The following NIN variants were observed in gnomAD, a reference collection of about 807,000 sequenced individuals.
The protein encoded by NIN is glycogen synthase kinase 3 beta-interacting protein.
Under a neutral mutation model 257.6 loss-of-function variants are expected in NIN, and 137 were observed. The observed-to-expected ratio is 0.53, with a 90% CI of 0.46 to 0.61. NIN has a LOEUF of 0.61. NIN is among the 20% of genes least tolerant of loss of function. NIN has a pLI of 0.00. For synonymous variants in NIN, 918 were observed against 919.8 expected (o/e 1.00, Z 0.04); for missense variants, 2,439 against 2,501.2 (o/e 0.98, Z 0.53).
In NIN at chr14:50,744,349, T is replaced by C; in HGVS notation, c.5081A>G (p.Asp1694Gly). ...EKMKQLHRCP[D>G]LSDFQQKISS... ...GATTTTTTGCTGGAAGTCAGAGAGA[T>C]CGGGACATCTGTGCAGCTGTAAGAG... Residue 1694 changes from aspartate (D) to glycine (G), a missense_variant, in exon 23 of 31, where the codon GAT becomes GGT. Coordinates refer to ENST00000530997, the MANE Select transcript of NIN (RefSeq NM_020921.4). 1 of 1,614,026 alleles carries C rather than the reference T, an allele frequency of 6.2e-7. No individual in the cohort carries two copies. The highest frequency in any genetic ancestry group is 1.3e-5 in the African/African-American group (1 of 75,044).
chr14:50,800,683 G>A (rs887098398), intron 4 of NIN, among the ~76,000 whole-genome samples: 2 of 152,112 alleles, frequency 1.3e-5, no homozygotes, highest in Non-Finnish European at 2.9e-5. Context: ...CAGTGGGGAT[G>A]AGTGTTTCCA....
At position 50,758,326 on chromosome 14, in the gene NIN, T is replaced by C. The variant is rs776608678; in HGVS notation, c.2704A>G (p.Lys902Glu). Reference sequence around the variant, plus strand: ...ACGACCATGCTGTTCAAATGTTCTTTGTATGTTTTCTCCAGCATCTCTCTC... The same window carrying C: ...ACGACCATGCTGTTCAAATGTTCTTCGTATGTTTTCTCCAGCATCTCTCTC... ...QEREMLEKTY[K>E]EHLNSMVVER... The change falls in exon 18 of 31, where the codon AAA becomes GAA. Residue 902 changes from lysine (K) to glutamate (E), a missense_variant. Transcript: ENST00000530997. 33 of 1,614,136 alleles carry C rather than the reference T, an allele frequency of 2.0e-5. No homozygotes were observed. The East Asian group carries it at 3.8e-4, about 19-fold the overall frequency.
At chr14:50,788,369 T>G (rs2043435240) in intron 5 of NIN, among the ~76,000 whole-genome samples, 1 of 152,194 alleles carries the variant, frequency 6.6e-6, no homozygotes, top group Non-Finnish European at 1.5e-5. Flanking sequence ...AATATAAATT[T>G]AGTTGCTTCA....
intron 30 of NIN, among the ~76,000 whole-genome samples, chr14:50,724,598 A>G (rs549246304): frequency 6.6e-6 from 1 of 152,182 alleles, no homozygotes; most frequent in South Asian, 2.1e-4. Flanking sequence ...CATTGCCGAC[A>G]GAATAAAAAT....
rs2040276494 is a variant in NIN at position 50,721,856 on chromosome 14, A to G, written c.*1607T>C. The G allele has an allele frequency of 9.0e-6, 2 of 222,894 alleles. No homozygotes were observed. Among genetic ancestry groups the G allele is most frequent in the Non-Finnish European group, 9.0e-6 (1 of 111,530 alleles). The allele number at this position is 222,894 out of a possible 1,614,324, so 13.8% of individuals were successfully genotyped here. A position where few individuals can be genotyped will look rare whatever the true frequency, so the allele number is the denominator to read the frequency against. On this transcript the variant is annotated 3_prime_UTR_variant, in exon 31 of 31. Transcript: ENST00000530997. ...TCCTGGGTTGACCGGTGAGACTCAT[A>G]AGCCCCCAAGAAACCCTGAAGTTCC...
At chr14:50,795,320 C>T (rs1027615625) in intron 4 of NIN, among the ~76,000 whole-genome samples, 2 of 152,152 alleles carry the variant, frequency 1.3e-5, no homozygotes, top group African/African-American at 2.4e-5. Context: ...TTAGAGCATC[C>T]GCCTCATTGC....
chr14:50,754,716 T>C (rs1323083289), intron 19 of NIN, 26 bp downstream of exon 19: 1 of 1,579,414 alleles, frequency 6.3e-7, no homozygotes, highest in South Asian at 1.2e-5. Flanking sequence ...AAAAATGTCT[T>C]AGGAAAATGT....
Position 50,770,400 on chromosome 14 carries a change from G to A in NIN, c.1422C>T (p.Ala474=), listed in dbSNP as rs746382050. Residue 474 remains alanine, a synonymous_variant, in exon 12 of 31, where the codon GCC becomes GCT. Transcript: ENST00000530997. ...ATAAGATGATTACCTTTAAAGAGAGGGCAAGGCGGTCCCGGATATAGTTCT... is the reference window on the plus strand; with the variant it reads ...ATAAGATGATTACCTTTAAAGAGAGAGCAAGGCGGTCCCGGATATAGTTCT... ...TEENYIRDRL[A]LSLKENSRLE... 17 of 1,614,012 alleles carry A rather than the reference G, an allele frequency of 1.1e-5. No individual in the cohort carries two copies. The East Asian group carries it at 1.3e-4, about 13-fold the overall frequency.
At chr14:50,825,367 T>C (rs1454725709) in intron 2 of NIN, among the ~76,000 whole-genome samples, 3 of 152,344 alleles carry the variant, frequency 2.0e-5, no homozygotes, top group Admixed American at 1.3e-4. Context: ...GTTCAGAGCT[T>C]CCTCTATCTT....
Position 50,822,044 on chromosome 14 carries a change from C to T in NIN, c.13G>A (p.Glu5Lys). 1 of 1,613,316 alleles carries T rather than the reference C, an allele frequency of 6.2e-7. No homozygotes were observed. Among genetic ancestry groups the T allele is most frequent in the Non-Finnish European group, 8.5e-7 (1 of 1,179,444 alleles). Residue 5 changes from glutamate to lysine, a missense_variant, in exon 3 of 31, where the codon GAG becomes AAG. Physicochemically the swap from Glu to Lys is moderately conservative, Grantham distance 56 (BLOSUM62 1). This residue lies in a region of NIN where 387 missense variants were observed against 427.3 expected (regional missense o/e 0.91). Transcript: ENST00000530997. ...AGTCGGGCCTCATGCTGGTCCTGCT[C>T]CACCTCATCCATCCCATAGCCCACA... MDEV[E>K]QDQHEARLKE...
At chr14:50,769,476 CATA>C (rs2042638377) in intron 12 of NIN, among the ~76,000 whole-genome samples, 1 of 151,696 alleles carries the variant, frequency 6.6e-6, no homozygotes, top group Non-Finnish European at 1.5e-5. Context: ...GCCTAGGCAT[CATA>C]ATGAGACCCC....
intron 5 of NIN, among the ~76,000 whole-genome samples, chr14:50,788,173 TTTC>T (rs2043425968): frequency 6.6e-6 from 1 of 152,138 alleles, no homozygotes; most frequent in Non-Finnish European, 1.5e-5. Context: ...CATAACAAGA[TTTC>T]TTTTCATACA....
At chr14:50,750,215 A>G (rs1190033896) in intron 21 of NIN, among the ~76,000 whole-genome samples, 4 of 152,050 alleles carry the variant, frequency 2.6e-5, no homozygotes, top group African/African-American at 7.2e-5. Flanking sequence ...CATTTTTCCA[A>G]GGAACCCTGG....
chr14:50,799,345 G>A (rs1011284442), intron 4 of NIN, among the ~76,000 whole-genome samples: 4 of 152,152 alleles, frequency 2.6e-5, no homozygotes, highest in African/African-American at 9.7e-5. Context: ...CCTTCCACCG[G>A]GACTCCTGTG....
chr14:50,823,231 T>G (rs1345650529), intron 2 of NIN: 1 of 574,600 alleles, frequency 1.7e-6, no homozygotes, highest in Non-Finnish European at 3.5e-6. Context: ...AACCTGCACA[T>G]CTGAAGATGC....
intron 7 of NIN, among the ~76,000 whole-genome samples, chr14:50,776,090 A>G (rs1374311977): frequency 1.3e-5 from 2 of 152,162 alleles, no homozygotes; most frequent in African/African-American, 4.8e-5. Flanking sequence ...AGCAAGCAGA[A>G]AGCATGGTTT....
chr14:50,771,193 G>A (rs1459797627), intron 10 of NIN, 139 bp downstream of exon 10: 8 of 1,191,412 alleles, frequency 6.7e-6, no homozygotes, highest in Admixed American at 5.4e-5. Context: ...TATACTTTAA[G>A]GAAGATGTGT....
In NIN at chr14:50,821,715, A is replaced by G. The variant is rs149334414; in HGVS notation, c.183+159T>C. On this transcript the variant is annotated intron_variant, in intron 3 of 30. Transcript: ENST00000530997. ...AAAGCAGGCTCTTGTCACCCTAGCA[A>G]ACTGGACTGTGATGTCACACCCATT... is the stretch of plus-strand genomic sequence containing the variant. Among the ~76,000 whole-genome samples, 389 of 152,262 alleles carry G rather than the reference A, an allele frequency of 2.6e-3. 4 individuals carry two copies. The highest frequency in any genetic ancestry group is 9.0e-3 in the African/African-American group (373 of 41,532).
At position 50,728,158 on chromosome 14, in the gene NIN, T is replaced by C. The variant is rs375508970; in HGVS notation, c.6078+1365A>G. ...GGTGGGTGGGTTGGAAACAGCAGGCTTTGAAAATAGGGTGTAAGAGAGCAA... is the reference window on the plus strand; with the variant it reads ...GGTGGGTGGGTTGGAAACAGCAGGCCTTGAAAATAGGGTGTAAGAGAGCAA... On this transcript the variant is annotated intron_variant, in intron 29 of 30. Transcript: ENST00000530997. 1.1e-3 allele frequency among the ~76,000 whole-genome samples: 172 copies of C among 152,208 alleles called. 3 individuals carry two copies. In the South Asian group the frequency reaches 0.033, roughly 29 times the overall value.
Sources: allele counts gnomAD v4.1 joint callset (sites outside exome capture counted in the v4.1 genomes callset), GRCh38; gene constraint gnomAD v4.1.1; regional missense constraint gnomAD v4.1.1; transcripts MANE v1.5; gene names NCBI Gene and HGNC (gene_info 2026-07-23, HGNC 2026-07-21).